The following ADGRB1 variants were observed in gnomAD, a reference collection of about 807,000 sequenced individuals.
ADGRB1 encodes adhesion G protein-coupled receptor B1.
ADGRB1 carries 36 observed loss-of-function variants against 175.7 expected under a neutral mutation model. The ratio of observed to expected loss-of-function variants is 0.20; its 90% CI spans 0.16 to 0.27. The LOEUF (loss-of-function observed/expected upper bound fraction) is 0.27, where lower values mean the gene tolerates loss of function less well. Ranked by LOEUF, ADGRB1 falls within the 10% of genes least tolerant of loss-of-function variation. ADGRB1 has a pLI of 1.00. For missense variants in ADGRB1, 1,731 were observed against 2,255.3 expected (o/e 0.77, Z 4.71); for synonymous variants, 1,054 against 979.4 (o/e 1.08, Z -1.42).
In ADGRB1 at chr8:142,533,418, G is replaced by T; in HGVS notation, c.3522G>T (p.Ser1174=). The change falls in exon 25 of 31, where the codon TCG becomes TCT. Residue 1174 remains serine, a synonymous_variant. Transcript: ENST00000517894. ...LFQILFAVFD[S]LEGFVIVMVH... Reference sequence around the variant, plus strand: ...AGATCCTCTTCGCTGTCTTCGACTCGCTGGAGGGCTTCGTCATCGTCATGG... The same window carrying T: ...AGATCCTCTTCGCTGTCTTCGACTCTCTGGAGGGCTTCGTCATCGTCATGG... 6.2e-7 allele frequency: 1 copy of T among 1,612,370 alleles called. No individual in the cohort carries two copies. Among genetic ancestry groups the T allele is most frequent in the Non-Finnish European group, 8.5e-7 (1 of 1,179,248 alleles).
At chr8:142,530,181 G>A (rs541469597) in intron 24 of ADGRB1, among the ~76,000 whole-genome samples, 3 of 152,220 alleles carry the variant, frequency 2.0e-5, no homozygotes, top group East Asian at 1.9e-4. Flanking sequence ...GTGTATGAGC[G>A]TGTGAGCATT....
intron 1 of ADGRB1, among the ~76,000 whole-genome samples, chr8:142,458,275 G>T (rs186883013): frequency 4.6e-5 from 7 of 152,320 alleles, no homozygotes; most frequent in African/African-American, 1.7e-4. Context: ...TGGTTGGATG[G>T]TGGGGAAACC....
At chr8:142,454,261 C>T (rs1032960114) in intron 1 of ADGRB1, among the ~76,000 whole-genome samples, 1 of 152,170 alleles carries the variant, frequency 6.6e-6, no homozygotes, top group South Asian at 2.1e-4. Context: ...CAGCCAGCCC[C>T]GACGCCACCC....
intron 2 of ADGRB1, among the ~76,000 whole-genome samples, chr8:142,469,797 G>A (rs1840549124): frequency 6.6e-6 from 1 of 152,046 alleles, no homozygotes. Flanking sequence ...GCACGTGCGT[G>A]TGCGTGGGGG....
In ADGRB1 at chr8:142,532,358, C is replaced by T. The variant is rs567820445; in HGVS notation, c.3399-937C>T. ...AGAGCACAGGCTCAGAGGCCACGCG[C>T]GGAACCCAGTGGGTGGATGTGGGGA... is the stretch of plus-strand genomic sequence containing the variant. On this transcript the variant is annotated intron_variant, in intron 24 of 30. Transcript: ENST00000517894. Among the ~76,000 whole-genome samples the T allele has an allele frequency of 7.2e-5, 11 of 152,338 alleles. No homozygotes were observed. The South Asian group carries it at 1.0e-3, about 14-fold the overall frequency.
chr8:142,500,303 CACCT>C (rs1842441907), intron 17 of ADGRB1, among the ~76,000 whole-genome samples: 1 of 75,826 alleles, frequency 1.3e-5, no homozygotes, highest in African/African-American at 3.9e-5. Context: ...GCCGCTCCTC[CACCT>C]CCCCACGCGC....
At chr8:142,490,020 G>A (rs1841911553) in intron 16 of ADGRB1, among the ~76,000 whole-genome samples, 1 of 152,172 alleles carries the variant, frequency 6.6e-6, no homozygotes, top group Admixed American at 6.5e-5. Context: ...CTTCTGATGG[G>A]CCGAGAACCA....
intron 17 of ADGRB1, among the ~76,000 whole-genome samples, chr8:142,502,589 C>CTGATTGTTG: frequency 6.9e-6 from 1 of 143,894 alleles, no homozygotes; most frequent in African/African-American, 2.7e-5. Flanking sequence ...TCAGTCATCA[C>CTGATTGTTG]TGTGGTTTTG....
At chr8:142,477,925 G>A (rs1232891394) in intron 6 of ADGRB1, among the ~76,000 whole-genome samples, 1 of 151,340 alleles carries the variant, frequency 6.6e-6, no homozygotes, top group Non-Finnish European at 1.5e-5. Flanking sequence ...TGGGTGTGGG[G>A]TGGTGGCCCC....
chr8:142,495,156 C>CG (rs1234216704), intron 17 of ADGRB1, among the ~76,000 whole-genome samples: 1 of 152,000 alleles, frequency 6.6e-6, no homozygotes, highest in African/African-American at 2.4e-5. Context: ...TGTGGACAAG[C>CG]GGGGGTGTGG....
chr8:142,536,869 G>A, intron 25 of ADGRB1, 118 bp from the exon 26 acceptor site: 1 of 794,182 alleles, frequency 1.3e-6, no homozygotes, highest in Non-Finnish European at 1.9e-6. Flanking sequence ...GCCTCCTGCT[G>A]ACCAGCCCTG....
intron 17 of ADGRB1, among the ~76,000 whole-genome samples, chr8:142,503,409 CTGAG>C (rs1420797271): frequency 1.3e-5 from 2 of 152,054 alleles, no homozygotes; most frequent in Non-Finnish European, 2.9e-5. Flanking sequence ...GAGGCACCTG[CTGAG>C]TGAGTGAGAG....
At chr8:142,517,347 ACCCCGGCACCC>A (rs1296285868) in intron 18 of ADGRB1, among the ~76,000 whole-genome samples, 1 of 152,156 alleles carries the variant, frequency 6.6e-6, no homozygotes, top group African/African-American at 2.4e-5. Context: ...TATTCAGGTC[ACCCCGGCACCC>A]GGATGACACC....
chr8:142,529,709 T>G (rs1366138632), intron 24 of ADGRB1, among the ~76,000 whole-genome samples: 2 of 143,016 alleles, frequency 1.4e-5, no homozygotes, highest in Non-Finnish European at 1.5e-5. Flanking sequence ...CCTGTGAGCG[T>G]GCATCTATGT....
chr8:142,544,719 C>G lies in ADGRB1; in HGVS notation c.*302C>G. ...GGACGGCTGTGGACCGTGGACAGGC[C>G]CAGCGCGGCCAGCGTCCCAGGGTAC... On this transcript the variant is annotated 3_prime_UTR_variant, in exon 31 of 31. Transcript: ENST00000517894. 1 of 242,088 alleles carries G rather than the reference C, an allele frequency of 4.1e-6. No individual in the cohort carries two copies. The highest frequency in any genetic ancestry group is 7.9e-6 in the Non-Finnish European group (1 of 127,266). 15.0% of individuals were successfully genotyped at this position (242,088 alleles called of 1,614,324 possible).
chr8:142,539,149 C>T (rs1845113045), intron 26 of ADGRB1, among the ~76,000 whole-genome samples: 1 of 152,210 alleles, frequency 6.6e-6, no homozygotes. Flanking sequence ...CACAAACACG[C>T]ACGCATACAC....
At chr8:142,451,219 G>A (rs1447298971) in intron 1 of ADGRB1, among the ~76,000 whole-genome samples, 2 of 152,162 alleles carry the variant, frequency 1.3e-5, no homozygotes, top group East Asian at 1.9e-4. Context: ...GGAGGCTGCG[G>A]CTCCGAGCCC....
rs922705838 is a variant in ADGRB1 at position 142,510,644 on chromosome 8, C to T, written c.2676-288C>T. On this transcript the variant is annotated intron_variant, in intron 17 of 30. Transcript: ENST00000517894. The surrounding 1 kb of genome is among the most constrained non-coding windows in gnomAD (Gnocchi z 6.3). ...CTGCCGGGCCCCGGGCCAGCTCTCG[C>T]CCCCCGCCCCGCCCCCGATCGCTCG... Among the ~76,000 whole-genome samples, 3 of 145,702 alleles carry T rather than the reference C, an allele frequency of 2.1e-5. No individual in the cohort carries two copies. The highest frequency in any genetic ancestry group is 4.9e-5 in the African/African-American group (2 of 40,642).
Position 142,542,508 on chromosome 8 carries a change from C to T in ADGRB1, c.4274C>T (p.Pro1425Leu). The part of the protein sequence containing the change: ...PPPPPPPPQQ[P>L]LPPPPNLEPA... ...CCACCGCCACCACCTCCCCAGCAGC[C>T]CCTGCCCCCACCGCCCAATCTGGAG... Residue 1425 changes from proline to leucine, a missense_variant, in exon 28 of 31, where the codon CCC becomes CTC. This residue lies in a region of ADGRB1 where 394 missense variants were observed against 410.2 expected (regional missense o/e 0.96). Transcript: ENST00000517894. The surrounding 1 kb of genome is among the most constrained non-coding windows in gnomAD (Gnocchi z 6.3). 1 of 1,437,806 alleles carries T rather than the reference C, an allele frequency of 7.0e-7. No individual in the cohort carries two copies. The highest frequency in any genetic ancestry group is 9.2e-7 in the Non-Finnish European group (1 of 1,092,854). The allele number at this position is 1,437,806 out of a possible 1,614,324, so 89.1% of individuals were successfully genotyped here.
Sources: allele counts gnomAD v4.1 joint callset (sites outside exome capture counted in the v4.1 genomes callset), GRCh38; gene constraint gnomAD v4.1.1; regional missense constraint gnomAD v4.1.1; non-coding constraint Gnocchi (gnomAD v3.1); transcripts MANE v1.5; gene names NCBI Gene and HGNC (gene_info 2026-07-23, HGNC 2026-07-21).